Variants in SLC25A26 observed in about 807,000 individuals in gnomAD.
The protein encoded by SLC25A26 is mitochondrial S-adenosylmethionine carrier protein.
A neutral mutation model predicts 37.8 loss-of-function variants in SLC25A26; 36 were observed. The ratio of observed to expected loss-of-function variants is 0.95; its 90% CI spans 0.73 to 1.26. SLC25A26 has a LOEUF of 1.26. SLC25A26 is among the 50% of genes most tolerant of loss of function. The pLI, the probability that SLC25A26 is intolerant of heterozygous loss-of-function variation, is 0.00. For missense variants in SLC25A26, 390 were observed against 331.1 expected (o/e 1.18, Z -1.38); for synonymous variants, 129 against 122.5 (o/e 1.05, Z -0.35).
At chr3:66,242,576 A>G (rs1477502792) in intron 2 of SLC25A26, among the ~76,000 whole-genome samples, 1 of 152,162 alleles carries the variant, frequency 6.6e-6, no homozygotes, top group Admixed American at 6.6e-5. Context: ...TATCCAACTG[A>G]TAAACATTTT....
At chr3:66,172,737 C>T (rs922292596) in intron 1 of SLC25A26, among the ~76,000 whole-genome samples, 16 of 152,148 alleles carry the variant, frequency 1.1e-4, no homozygotes, top group African/African-American at 3.6e-4. Flanking sequence ...AATTTTTGTT[C>T]TGGTAGTTTG....
intron 1 of SLC25A26, among the ~76,000 whole-genome samples, chr3:66,195,019 G>T (rs1395946273): frequency 2.6e-5 from 4 of 152,188 alleles, no homozygotes; most frequent in Non-Finnish European, 4.4e-5. Context: ...AGAGCTGTCT[G>T]CCCACCCCAA....
Position 66,364,262 on chromosome 3 carries a change from T to A in SLC25A26, c.568+1333T>A, listed in dbSNP as rs115531359. On this transcript the variant is annotated intron_variant, in intron 7 of 9. Transcript: ENST00000354883. ...AATTACAGTTTCCTTTTCAGAATAA[T>A]ACTCTGTAATAGACACTAAGCACTT... is the stretch of plus-strand genomic sequence containing the variant. Among the ~76,000 whole-genome samples the A allele has an allele frequency of 6.1e-3, 931 of 152,332 alleles. 15 individuals are homozygous for A. The highest frequency in any genetic ancestry group is 0.017 in the African/African-American group (715 of 41,568).
chr3:66,303,963 G>A (rs2075145468), intron 5 of SLC25A26, among the ~76,000 whole-genome samples: 1 of 152,198 alleles, frequency 6.6e-6, no homozygotes, highest in Admixed American at 6.5e-5. Context: ...AGGCTGCTCT[G>A]AGGTCCTTGC....
intron 3 of SLC25A26, among the ~76,000 whole-genome samples, chr3:66,258,622 A>C (rs566086973): frequency 6.6e-6 from 1 of 152,240 alleles, no homozygotes; most frequent in Non-Finnish European, 1.5e-5. Context: ...AGGTGAAAAC[A>C]TCTGCTGGGA....
intron 1 of SLC25A26, among the ~76,000 whole-genome samples, chr3:66,200,436 T>C (rs2071094291): frequency 6.6e-6 from 1 of 152,224 alleles, no homozygotes; most frequent in South Asian, 2.1e-4. Context: ...GGCTCATGGC[T>C]CACAGCTATG....
intron 2 of SLC25A26, 87 bp from the exon 3 acceptor site, chr3:66,243,116 A>G (rs1394713182): frequency 8.9e-6 from 6 of 671,424 alleles, no homozygotes; most frequent in Admixed American, 2.4e-5. Context: ...TTTAATAATT[A>G]TTGTCATACT....
chr3:66,255,484 A>G (rs1187314199), intron 3 of SLC25A26, among the ~76,000 whole-genome samples: 1 of 150,046 alleles, frequency 6.7e-6, no homozygotes, highest in Non-Finnish European at 1.5e-5. Context: ...TAAAGTATGG[A>G]GGGAGCATGT....
At chr3:66,148,663 C>G (rs112004214) in intron 1 of SLC25A26, among the ~76,000 whole-genome samples, 1 of 152,214 alleles carries the variant, frequency 6.6e-6, no homozygotes, top group African/African-American at 2.4e-5. Flanking sequence ...ACCTCTCATA[C>G]CTTTCTACCA....
At chr3:66,276,688 A>G (rs1424704067) in intron 5 of SLC25A26, among the ~76,000 whole-genome samples, 1 of 152,070 alleles carries the variant, frequency 6.6e-6, no homozygotes, top group Non-Finnish European at 1.5e-5. Flanking sequence ...AGTAGGTGGG[A>G]AAAGGTTGAT....
At chr3:66,254,771 T>G (rs921023418) in intron 3 of SLC25A26, among the ~76,000 whole-genome samples, 1 of 152,264 alleles carries the variant, frequency 6.6e-6, no homozygotes, top group African/African-American at 2.4e-5. Context: ...GGTGACATAA[T>G]TAGCTTCTAA....
intron 1 of SLC25A26, among the ~76,000 whole-genome samples, chr3:66,223,803 A>G (rs938053161): frequency 1.4e-4 from 22 of 152,348 alleles, no homozygotes; most frequent in Admixed American, 1.2e-3. Context: ...GTTAGTTATC[A>G]TTTGGAGCAC....
At chr3:66,154,775 C>T (rs1481801220) in intron 1 of SLC25A26, among the ~76,000 whole-genome samples, 2 of 152,152 alleles carry the variant, frequency 1.3e-5, no homozygotes, top group South Asian at 2.1e-4. Flanking sequence ...AGCCACAGCG[C>T]CCGGCGGGCC....
intron 9 of SLC25A26, among the ~76,000 whole-genome samples, chr3:66,376,701 A>G (rs1232891588): frequency 6.6e-6 from 1 of 152,246 alleles, no homozygotes; most frequent in African/African-American, 2.4e-5. Flanking sequence ...TATGGTGGCC[A>G]AACTTGGCCT....
intron 1 of SLC25A26, among the ~76,000 whole-genome samples, chr3:66,181,115 A>G (rs952658111): frequency 6.6e-6 from 1 of 152,206 alleles, no homozygotes; most frequent in Non-Finnish European, 1.5e-5. Context: ...CTGTTCTTTA[A>G]GCTGCTTGGT....
At chr3:66,260,257 C>T (rs1213303244) in intron 3 of SLC25A26, among the ~76,000 whole-genome samples, 3 of 152,050 alleles carry the variant, frequency 2.0e-5, no homozygotes, top group African/African-American at 7.2e-5. Context: ...TTCTTTGAAG[C>T]CAGGGCATCA....
At chr3:66,280,288 C>T (rs559416833) in intron 5 of SLC25A26, among the ~76,000 whole-genome samples, 4 of 152,040 alleles carry the variant, frequency 2.6e-5, no homozygotes, top group Non-Finnish European at 5.9e-5. Flanking sequence ...CTGCCATATG[C>T]CAGATGAGGT....
chr3:66,185,196 G>A (rs1232353551), intron 1 of SLC25A26, among the ~76,000 whole-genome samples: 1 of 152,142 alleles, frequency 6.6e-6, no homozygotes, highest in Non-Finnish European at 1.5e-5. Flanking sequence ...TATATAGGTG[G>A]AATCATACAG....
At chr3:66,374,887 A>AAT (rs760368147) in intron 9 of SLC25A26, among the ~76,000 whole-genome samples, 1 of 151,750 alleles carries the variant, frequency 6.6e-6, no homozygotes. Flanking sequence ...TCAAAAAAAA[A>AAT]AATTAATTAA....
Sources: gnomAD v4.1 joint callset for allele counts (sites outside exome capture counted in the v4.1 genomes callset) on GRCh38, gnomAD v4.1.1 for gene constraint, MANE v1.5 for transcripts, NCBI Gene and HGNC (gene_info 2026-07-23, HGNC 2026-07-21) for gene names.